The following CREB5 variants were observed in gnomAD, a reference collection of about 807,000 sequenced individuals.
CREB5 encodes the protein cyclic AMP-responsive element-binding protein 5.
In CREB5, 19 loss-of-function variants were observed where a neutral mutation model predicts 57.1. The ratio of observed to expected loss-of-function variants is 0.33; its 90% confidence interval spans 0.23 to 0.49. CREB5 has a LOEUF of 0.49. Ranked by LOEUF, CREB5 falls within the 20% of genes least tolerant of loss-of-function variation. CREB5 has a pLI of 0.99. For synonymous variants in CREB5, 238 were observed against 238.3 expected, an observed-to-expected ratio of 1.00 and a Z score of 0.01; for missense variants, 579 against 671.6, an observed-to-expected ratio of 0.86 and a Z score of 1.52.
intron 5 of CREB5, among the ~76,000 whole-genome samples, chr7:28,634,670 G>T (rs1798342295): frequency 6.6e-6 from 1 of 152,068 alleles, no homozygotes; most frequent in South Asian, 2.1e-4. Context: ...GCATTGAAGA[G>T]AACCATTTTC....
intron 4 of CREB5, among the ~76,000 whole-genome samples, chr7:28,540,706 T>C (rs1367095645): frequency 6.6e-6 from 1 of 152,218 alleles, no homozygotes. Context: ...TGGTCTTAGA[T>C]AGCTTTTAGG....
chr7:28,330,317 G>A (rs1785689634), intron 1 of CREB5, among the ~76,000 whole-genome samples: 1 of 151,792 alleles, frequency 6.6e-6, no homozygotes, highest in Non-Finnish European at 1.5e-5. Flanking sequence ...AGATAATTGA[G>A]AGGAGGGTTA....
intron 1 of CREB5, among the ~76,000 whole-genome samples, chr7:28,413,797 C>G (rs972159939): frequency 2.0e-5 from 3 of 152,052 alleles, no homozygotes; most frequent in African/African-American, 7.2e-5. Flanking sequence ...AGAGACTTTT[C>G]CTGCATAGAT....
At chr7:28,353,974 A>G (rs1296508218) in intron 1 of CREB5, among the ~76,000 whole-genome samples, 2 of 152,188 alleles carry the variant, frequency 1.3e-5, no homozygotes, top group African/African-American at 4.8e-5. Context: ...CATTAAAGAC[A>G]TTATTAAGCA....
At chr7:28,413,147 G>A (rs1050158353) in intron 1 of CREB5, among the ~76,000 whole-genome samples, 1 of 148,470 alleles carries the variant, frequency 6.7e-6, no homozygotes, top group East Asian at 1.9e-4. Flanking sequence ...TTATTTCCCA[G>A]GTAAAATATG....
At chr7:28,809,516 A>G (rs775848224) in intron 9 of CREB5, 102 bp downstream of exon 9, 21 of 1,060,048 alleles carry the variant, frequency 2.0e-5, no homozygotes, top group Non-Finnish European at 2.8e-5. Context: ...GATACCACAC[A>G]CTTAGTCCAC....
intron 5 of CREB5, among the ~76,000 whole-genome samples, chr7:28,581,898 G>C (rs898924545): frequency 6.6e-6 from 1 of 152,220 alleles, no homozygotes; most frequent in African/African-American, 2.4e-5. Context: ...TCTCACAGAT[G>C]TAGTGCCAGG....
rs1356293229 is a variant in CREB5, at chr7:28,824,104, T to C, written c.*4825T>C. ...CATCATTTAAAATACTTTACAGATATTTGCACCAGGTACATTTATGTGCGT... is the reference window on the plus strand; with the variant it reads ...CATCATTTAAAATACTTTACAGATACTTGCACCAGGTACATTTATGTGCGT... On this transcript the variant is annotated 3_prime_UTR_variant, in exon 11 of 11. Transcript: ENST00000357727. The C allele has an allele frequency of 6.7e-6, 1 of 149,084 alleles. No individual in the cohort carries two copies. The highest frequency in any genetic ancestry group is 1.5e-5 in the Non-Finnish European group (1 of 67,048). The allele number at this position is 149,084 out of a possible 1,614,324, so 9.2% of individuals were successfully genotyped here. A position where few individuals can be genotyped will look rare whatever the true frequency, so the allele number is the denominator to read the frequency against.
chr7:28,580,396 G>A (rs1243752854), intron 5 of CREB5, among the ~76,000 whole-genome samples: 2 of 146,134 alleles, frequency 1.4e-5, no homozygotes, highest in Admixed American at 6.8e-5. Context: ...GGCATGTGGT[G>A]TCAACTGCTA....
At chr7:28,552,047 C>CTTTTCTCTCTCTCTT in intron 4 of CREB5, among the ~76,000 whole-genome samples, 1 of 131,900 alleles carries the variant, frequency 7.6e-6, no homozygotes, top group African/African-American at 3.7e-5. Context: ...TCTCTCCTCT[C>CTTTTCTCTCTCTCTT]TTCTCTCTTC....
intron 5 of CREB5, among the ~76,000 whole-genome samples, chr7:28,594,014 G>A (rs932247103): frequency 5.9e-5 from 9 of 152,184 alleles, no homozygotes; most frequent in African/African-American, 2.2e-4. Flanking sequence ...CCGGAGCAGC[G>A]GGAAGCTGCC....
At chr7:28,603,559 C>CAA (rs1797003264) in intron 5 of CREB5, among the ~76,000 whole-genome samples, 1 of 152,166 alleles carries the variant, frequency 6.6e-6, no homozygotes, top group African/African-American at 2.4e-5. Context: ...CTGTGCACAA[C>CAA]TTGGACATCC....
rs554841264 is a variant in CREB5, at chr7:28,327,321, T to C, written c.-25+27880T>C. ...GGCTCCAAGAAATGCTTCCAACCCA[T>C]GAATCTGCATTTTGTCATGTACCTC... On this transcript the variant is annotated intron_variant, in intron 1 of 9. Transcript: ENST00000396299. 6.6e-5 allele frequency among the ~76,000 whole-genome samples: 10 copies of C among 152,292 alleles called. No homozygotes were observed. The South Asian group carries it at 1.7e-3, about 25-fold the overall frequency.
At chr7:28,549,158 T>C (rs917458399) in intron 4 of CREB5, among the ~76,000 whole-genome samples, 1 of 152,190 alleles carries the variant, frequency 6.6e-6, no homozygotes, top group Non-Finnish European at 1.5e-5. Flanking sequence ...TTTTGCATGA[T>C]GTTGGCTTTT....
intron 7 of CREB5, among the ~76,000 whole-genome samples, chr7:28,731,725 G>A (rs965701137): frequency 2.0e-5 from 3 of 152,186 alleles, no homozygotes; most frequent in Non-Finnish European, 4.4e-5. Context: ...AGCTTATGAA[G>A]CATTTTCTGC....
upstream of CREB5, chr7:28,409,877 G>A (rs916657200): frequency 4.4e-6 from 2 of 455,014 alleles, no homozygotes; most frequent in African/African-American, 4.0e-5. This position sits in a 1 kb window ranked among gnomAD's most constrained non-coding sequence, Gnocchi z 4.4. Context: ...ATGAATCGGG[G>A]GTGTGTGTTT....
chr7:28,567,635 G>A (rs555106284), intron 4 of CREB5, among the ~76,000 whole-genome samples: 8 of 152,212 alleles, frequency 5.3e-5, no homozygotes, highest in Non-Finnish European at 8.8e-5. Context: ...CCATCACTTC[G>A]GTGAGTGTGG....
At chr7:28,382,306 C>T (rs1786981390) in intron 1 of CREB5, among the ~76,000 whole-genome samples, 1 of 152,172 alleles carries the variant, frequency 6.6e-6, no homozygotes. Context: ...TCCAGAAACA[C>T]CCTCACAGAC....
chr7:28,390,746 A>G (rs1459051159), intron 1 of CREB5, among the ~76,000 whole-genome samples: 1 of 152,126 alleles, frequency 6.6e-6, no homozygotes. Context: ...GATGGCTACA[A>G]TTTACATGCC....
Sources: allele counts gnomAD v4.1 joint callset (sites outside exome capture counted in the v4.1 genomes callset), GRCh38; gene constraint gnomAD v4.1.1; non-coding constraint Gnocchi (gnomAD v3.1); transcripts MANE v1.5; gene names NCBI Gene and HGNC (gene_info 2026-07-23, HGNC 2026-07-21).